PDGFD: variants seen among roughly 807,000 people sequenced by gnomAD.
The protein encoded by PDGFD is platelet-derived growth factor D.
A neutral mutation model predicts 44.7 loss-of-function variants in PDGFD; 30 were observed. The observed-to-expected ratio is 0.67, with a 90% confidence interval of 0.50 to 0.91. The LOEUF (loss-of-function observed/expected upper bound fraction) is 0.91, where lower values mean the gene tolerates loss of function less well. Ranked by LOEUF, PDGFD falls within the 40% of genes least tolerant of loss-of-function variation. The pLI, the probability that PDGFD is intolerant of heterozygous loss-of-function variation, is 0.00. For missense variants in PDGFD, 445 were observed against 457.8 expected (o/e 0.97, Z 0.25); for synonymous variants, 173 against 168.4 (o/e 1.03, Z -0.21).
At chr11:103,946,869 A>C (rs1195325588) in intron 4 of PDGFD, among the ~76,000 whole-genome samples, 1 of 152,182 alleles carries the variant, frequency 6.6e-6, no homozygotes, top group African/African-American at 2.4e-5. Flanking sequence ...AAGAGTTTTT[A>C]AAAAATCCTC....
intron 3 of PDGFD, among the ~76,000 whole-genome samples, chr11:103,972,178 C>A (rs184335872): frequency 1.3e-5 from 2 of 152,136 alleles, no homozygotes; most frequent in Non-Finnish European, 2.9e-5. Flanking sequence ...ATTTACACTT[C>A]GGGTTGAATA....
intron 1 of PDGFD, among the ~76,000 whole-genome samples, chr11:104,120,000 TATATTA>T (rs1033372550): frequency 2.1e-5 from 3 of 143,730 alleles, no homozygotes; most frequent in African/African-American, 7.6e-5. Context: ...ATTAAATTAA[TATATTA>T]ATATTATCTA....
chr11:104,123,383 C>A (rs527329152), intron 1 of PDGFD, among the ~76,000 whole-genome samples: 1 of 151,940 alleles, frequency 6.6e-6, no homozygotes, highest in East Asian at 1.9e-4. Flanking sequence ...AAGCAAACAG[C>A]GTAGCAGGGC....
chr11:104,156,902 G>A (rs1299309245), intron 1 of PDGFD, among the ~76,000 whole-genome samples: 1 of 152,184 alleles, frequency 6.6e-6, no homozygotes, highest in Non-Finnish European at 1.5e-5. Context: ...TGAGGAGGCA[G>A]AACATTTCTG....
intron 1 of PDGFD, among the ~76,000 whole-genome samples, chr11:104,077,071 G>A (rs1860969564): frequency 6.6e-6 from 1 of 152,156 alleles, no homozygotes; most frequent in South Asian, 2.1e-4. Flanking sequence ...GAGTTTTGGG[G>A]GAGTCAAAAG....
chr11:103,953,279 C>T (rs1429660353), intron 3 of PDGFD, among the ~76,000 whole-genome samples: 1 of 151,908 alleles, frequency 6.6e-6, no homozygotes, highest in Non-Finnish European at 1.5e-5. Context: ...CTAGTAAACA[C>T]ACTTGTAACA....
chr11:104,041,693 G>T (rs80183427), intron 1 of PDGFD, among the ~76,000 whole-genome samples: 4 of 152,252 alleles, frequency 2.6e-5, no homozygotes, highest in Admixed American at 6.5e-5. Context: ...ACCAGCAACA[G>T]ATTCTGCTGC....
chr11:103,942,713 T>C lies in PDGFD; in HGVS notation c.772+739A>G, dbSNP rs191215463. On this transcript the variant is annotated intron_variant, in intron 5 of 6. Coordinates refer to ENST00000393158, the MANE Select transcript of PDGFD (RefSeq NM_025208.5). ...TGGCTGTTGCTTTAACAGGGTTCTC[T>C]CCTGCCAACACTGACATCCCTGGAC... Among the ~76,000 whole-genome samples, 3 of 152,266 alleles carry C rather than the reference T, an allele frequency of 2.0e-5. No individual in the cohort carries two copies. In the East Asian group the frequency reaches 5.8e-4, roughly 29 times the overall value.
intron 1 of PDGFD, among the ~76,000 whole-genome samples, chr11:104,153,038 A>G (rs1004693269): frequency 2.7e-5 from 4 of 150,906 alleles, no homozygotes; most frequent in African/African-American, 5.0e-5. Flanking sequence ...GTTTCTCCAC[A>G]TCAATGTTGC....
In PDGFD at chr11:104,153,419, T is replaced by C. The variant is rs78306608; in HGVS notation, c.124+10385A>G. 8.5e-3 allele frequency among the ~76,000 whole-genome samples: 1,298 copies of C among 152,308 alleles called. 18 individuals carry two copies. Among genetic ancestry groups the C allele is most frequent in the African/African-American group, 0.029 (1,217 of 41,572 alleles). On this transcript the variant is annotated intron_variant, in intron 1 of 6. Transcript: ENST00000393158. Reference sequence around the variant, plus strand: ...TAAATCTATATCTGCAGATGTCAGATATGTAAATAAATGAGTAACATTGCA... The same window carrying C: ...TAAATCTATATCTGCAGATGTCAGACATGTAAATAAATGAGTAACATTGCA...
At chr11:104,047,930 T>C (rs1860469393) in intron 1 of PDGFD, among the ~76,000 whole-genome samples, 1 of 152,114 alleles carries the variant, frequency 6.6e-6, no homozygotes, top group South Asian at 2.1e-4. Context: ...CAAATGATTA[T>C]AGTACATAGC....
rs568358777 is a variant in PDGFD at position 104,040,947 on chromosome 11, T to C, written c.125-40692A>G. Among the ~76,000 whole-genome samples, 26 of 151,996 alleles carry C rather than the reference T, an allele frequency of 1.7e-4. 1 individual carries two copies. Among genetic ancestry groups the C allele is most frequent in the Non-Finnish European group, 2.8e-4 (19 of 67,888 alleles). On this transcript the variant is annotated intron_variant, in intron 1 of 6. Transcript: ENST00000393158. The stretch of plus-strand genomic sequence containing the variant: ...ATTCTGAAACACAATTTACAAAACA[T>C]GGACTGACCAGATTGCTCTATTCAG...
chr11:103,912,769 A>G (rs1016036958), intron 6 of PDGFD, among the ~76,000 whole-genome samples: 11 of 151,476 alleles, frequency 7.3e-5, no homozygotes, highest in African/African-American at 2.4e-4. Flanking sequence ...GGCTCAAAAT[A>G]AAGGGATGGA....
At chr11:104,072,558 A>C (rs1235215800) in intron 1 of PDGFD, among the ~76,000 whole-genome samples, 3 of 151,928 alleles carry the variant, frequency 2.0e-5, no homozygotes, top group Non-Finnish European at 4.4e-5. Flanking sequence ...TTATGCTTCC[A>C]AATCAATTTC....
chr11:104,079,758 G>A (rs910060290), intron 1 of PDGFD, among the ~76,000 whole-genome samples: 42 of 151,036 alleles, frequency 2.8e-4, no homozygotes, highest in African/African-American at 9.1e-4. Flanking sequence ...TACATCTATA[G>A]TGATACAGAA....
chr11:104,030,103 A>C (rs551764201), intron 1 of PDGFD, among the ~76,000 whole-genome samples: 14 of 152,330 alleles, frequency 9.2e-5, no homozygotes, highest in Non-Finnish European at 1.6e-4. Flanking sequence ...TATGTGAATA[A>C]GGTGCATTTG....
At position 103,951,713 on chromosome 11, in the gene PDGFD, A is replaced by G. The variant is rs370040997; in HGVS notation, c.511-3989T>C. Among the ~76,000 whole-genome samples the G allele has an allele frequency of 2.6e-4, 39 of 152,302 alleles. 1 individual carries two copies. Among genetic ancestry groups the G allele is most frequent in the Middle Eastern group, 3.4e-3 (1 of 294 alleles). ...GGATGCACTTTCCCCAAACGCTCCAATGGCTGGCTCCTCATCATTTAGTTC... is the reference window on the plus strand; with the variant it reads ...GGATGCACTTTCCCCAAACGCTCCAGTGGCTGGCTCCTCATCATTTAGTTC... On this transcript the variant is annotated intron_variant, in intron 3 of 6. Transcript: ENST00000393158.
intron 5 of PDGFD, among the ~76,000 whole-genome samples, chr11:103,940,234 G>A (rs1016954719): frequency 3.3e-5 from 5 of 151,924 alleles, no homozygotes; most frequent in African/African-American, 9.7e-5. Context: ...AAATATTCCT[G>A]ATTCATTATA....
At position 104,100,492 on chromosome 11, in the gene PDGFD, A is replaced by AC. The variant is rs561121636; in HGVS notation, c.124+63311_124+63312insG. ...AATTAATAGCTTACCAACCAAAAAA[A>AC]GTCCAGGACCAGATGGATTCACAGC... On this transcript the variant is annotated intron_variant, in intron 1 of 6. Transcript: ENST00000393158. 3.1e-4 allele frequency among the ~76,000 whole-genome samples: 47 copies of AC among 152,318 alleles called. 1 individual carries two copies. The East Asian group carries it at 6.8e-3, about 22-fold the overall frequency.
Sources: gnomAD v4.1 joint callset for allele counts (sites outside exome capture counted in the v4.1 genomes callset) on GRCh38, gnomAD v4.1.1 for gene constraint, MANE v1.5 for transcripts, NCBI Gene and HGNC (gene_info 2026-07-23, HGNC 2026-07-21) for gene names.